The following YPEL2 variants were observed in gnomAD, a reference collection of about 807,000 sequenced individuals.
YPEL2 encodes the protein protein yippee-like 2.
A neutral mutation model predicts 19.1 loss-of-function variants in YPEL2; 2 were observed. The observed-to-expected ratio is 0.10, with a 90% confidence interval of 0.04 to 0.33. YPEL2 has a LOEUF of 0.33. Among genes scored for constraint, YPEL2 ranks in the 10% least tolerant of loss-of-function variants. The pLI is 1.00. For missense variants in YPEL2, 66 were observed against 140.7 expected, an observed-to-expected ratio of 0.47 and a Z score of 2.68; for synonymous variants, 52 against 50.0, an observed-to-expected ratio of 1.04 and a Z score of -0.17.
At chr17:59,386,363 A>G (rs1475728356) in intron 2 of YPEL2, among the ~76,000 whole-genome samples, 1 of 152,032 alleles carries the variant, frequency 6.6e-6, no homozygotes, top group Non-Finnish European at 1.5e-5. Context: ...AAGGAAATGC[A>G]GGGAACATGA....
intron 1 of YPEL2, among the ~76,000 whole-genome samples, chr17:59,350,526 A>G (rs767443626): frequency 2.0e-5 from 3 of 152,158 alleles, no homozygotes; most frequent in Non-Finnish European, 2.9e-5. Flanking sequence ...CATTGCTTAT[A>G]TGGTAGATTT....
chr17:59,353,640 G>C lies in YPEL2; in HGVS notation c.117+114G>C. On this transcript the variant is annotated intron_variant, in intron 2 of 4. Transcript: ENST00000312655. This position sits in a 1 kb window ranked among gnomAD's most constrained non-coding sequence, Gnocchi z 4.8. ...TATTTGTACTCCATCTTTGTACAGG[G>C]AGGGCTGACCCACGTGACCGTCTCA... 1.2e-6 allele frequency: 1 copy of C among 840,620 alleles called. No homozygotes were observed. The highest frequency in any genetic ancestry group is 2.5e-5 in the East Asian group (1 of 40,658). The allele number at this position is 840,620 out of a possible 1,614,324, so 52.1% of individuals were successfully genotyped here.
chr17:59,387,596 C>G (rs2047987213), intron 2 of YPEL2, among the ~76,000 whole-genome samples: 1 of 152,278 alleles, frequency 6.6e-6, no homozygotes, highest in South Asian at 2.1e-4. Flanking sequence ...GAAGCAGACG[C>G]CAGATTGCAT....
At chr17:59,388,785 T>C in intron 3 of YPEL2, 1 of 203,526 alleles carries the variant, frequency 4.9e-6, no homozygotes, top group Non-Finnish European at 9.9e-6. Flanking sequence ...TCCAGGGCAC[T>C]CAGCCATCCC....
At chr17:59,346,487 C>T (rs949508486) in intron 1 of YPEL2, among the ~76,000 whole-genome samples, 9 of 151,964 alleles carry the variant, frequency 5.9e-5, no homozygotes, top group Non-Finnish European at 1.0e-4. Flanking sequence ...GATGGAGTCT[C>T]GGGACGCAGA....
chr17:59,362,718 A>T (rs2047847562), intron 2 of YPEL2: 1 of 152,202 alleles, frequency 6.6e-6, no homozygotes, highest in African/African-American at 2.4e-5. Flanking sequence ...GTTCCCAGTC[A>T]GAAATCCAAA....
rs1440737594 is a variant in YPEL2 at position 59,400,153 on chromosome 17, A to C, written c.*2963A>C. 6.6e-6 allele frequency: 1 copy of C among 152,622 alleles called. No individual in the cohort carries two copies. The highest frequency in any genetic ancestry group is 1.5e-5 in the Non-Finnish European group (1 of 68,048). 9.5% of individuals were successfully genotyped at this position (152,622 alleles called of 1,614,324 possible). A position where few individuals can be genotyped will look rare whatever the true frequency, so the allele number is the denominator to read the frequency against. On this transcript the variant is annotated 3_prime_UTR_variant, in exon 5 of 5. Transcript: ENST00000312655. ...GATTTGACATGAACCAAACACAGCC[A>C]AACTCGATACCCACAAGCTGTCAGC...
At chr17:59,340,109 C>CTTT (rs746748126) in intron 1 of YPEL2, among the ~76,000 whole-genome samples, 1 of 141,418 alleles carries the variant, frequency 7.1e-6, no homozygotes. Flanking sequence ...TTTTGTGGAA[C>CTTT]TTTTTTTTTT....
chr17:59,334,606 ACG>A (rs1567726275), intron 1 of YPEL2, among the ~76,000 whole-genome samples: 1 of 146,444 alleles, frequency 6.8e-6, no homozygotes, highest in African/African-American at 2.5e-5. Context: ...ACACACACAC[ACG>A]CCTGATGCAG....
chr17:59,382,598 A>G (rs531836466), intron 2 of YPEL2, among the ~76,000 whole-genome samples: 3 of 152,254 alleles, frequency 2.0e-5, no homozygotes, highest in Non-Finnish European at 2.9e-5. Flanking sequence ...CATTGTAAGC[A>G]TACAATTTTT....
chr17:59,367,922 G>C (rs1405816219), intron 2 of YPEL2, among the ~76,000 whole-genome samples: 1 of 152,136 alleles, frequency 6.6e-6, no homozygotes, highest in African/African-American at 2.4e-5. Context: ...GAAAAGCCTT[G>C]AATGAGGGTC....
intron 4 of YPEL2, among the ~76,000 whole-genome samples, chr17:59,394,336 G>T (rs1237119542): frequency 1.3e-5 from 2 of 151,084 alleles, no homozygotes; most frequent in Non-Finnish European, 3.0e-5. Context: ...TCCCAGACGG[G>T]GTCGCGGCCG....
In YPEL2 at chr17:59,399,428, A is replaced by G. The variant is rs371909958; in HGVS notation, c.*2238A>G. On this transcript the variant is annotated 3_prime_UTR_variant, in exon 5 of 5. Transcript: ENST00000312655. ...CATAAACTAGACATGGGGTGCCCTC[A>G]AGTTTCCAAGGGGACCAATGTGCCA... 211 of 152,304 alleles carry G rather than the reference A, an allele frequency of 1.4e-3. No individual in the cohort carries two copies. Among genetic ancestry groups the G allele is most frequent in the African/African-American group, 4.9e-3 (204 of 41,566 alleles). 9.4% of individuals were successfully genotyped at this position (152,304 alleles called of 1,614,324 possible).
At chr17:59,342,125 TAAAGTC>T (rs2047734753) in intron 1 of YPEL2, among the ~76,000 whole-genome samples, 1 of 152,204 alleles carries the variant, frequency 6.6e-6, no homozygotes, top group Non-Finnish European at 1.5e-5. Flanking sequence ...ATTGGGAGAT[TAAAGTC>T]AGAAAGCCAA....
intron 1 of YPEL2, among the ~76,000 whole-genome samples, chr17:59,342,791 ACACTT>A (rs2047738323): frequency 1.3e-5 from 2 of 152,134 alleles, no homozygotes; most frequent in South Asian, 4.1e-4. Flanking sequence ...ATCAAGTCTG[ACACTT>A]CATTTTTTTG....
At chr17:59,392,676 A>G (rs971949574) in intron 4 of YPEL2, among the ~76,000 whole-genome samples, 10 of 151,534 alleles carry the variant, frequency 6.6e-5, no homozygotes, top group African/African-American at 2.2e-4. Flanking sequence ...ACGCCCAGCT[A>G]ATTTTTTTTC....
chr17:59,395,064 C>T (rs2048031649), intron 4 of YPEL2, among the ~76,000 whole-genome samples: 1 of 152,248 alleles, frequency 6.6e-6, no homozygotes, highest in African/African-American at 2.4e-5. Context: ...GGCTCGGCAT[C>T]AGAGGGAGAC....
At chr17:59,373,615 T>C (rs933457035) in intron 2 of YPEL2, among the ~76,000 whole-genome samples, 2 of 152,236 alleles carry the variant, frequency 1.3e-5, no homozygotes, top group Non-Finnish European at 2.9e-5. Context: ...TCATTAGATA[T>C]TTGTTGATTG....
chr17:59,361,476 G>A (rs530988220), intron 2 of YPEL2, among the ~76,000 whole-genome samples: 137 of 152,334 alleles, frequency 9.0e-4, no homozygotes, highest in African/African-American at 3.2e-3. Context: ...GATGACGCAT[G>A]TTTCCCATTA....
Sources: gnomAD v4.1 joint callset for allele counts (sites outside exome capture counted in the v4.1 genomes callset) on GRCh38, gnomAD v4.1.1 for gene constraint, Gnocchi (gnomAD v3.1) non-coding constraint, MANE v1.5 for transcripts, NCBI Gene and HGNC (gene_info 2026-07-23, HGNC 2026-07-21) for gene names.